The following IGF1R variants were observed in gnomAD, a reference collection of about 807,000 sequenced individuals.
The protein encoded by IGF1R is insulin like growth factor 1 receptor.
In IGF1R, 44 loss-of-function variants were observed where a neutral mutation model predicts 144.6. That is an observed-to-expected ratio of 0.30 (90% CI 0.24 to 0.39). The LOEUF (loss-of-function observed/expected upper bound fraction) is 0.39. Among genes scored for constraint, IGF1R ranks in the 10% least tolerant of loss-of-function variants. The probability of loss-of-function intolerance (pLI) is 1.00; values close to 1 mark genes in which losing one functional copy is unlikely to be tolerated. For missense variants in IGF1R, 1,355 were observed against 1,833.7 expected (o/e 0.74, Z 4.77); for synonymous variants, 795 against 722.8 (o/e 1.10, Z -1.60).
At chr15:98,656,147 A>G (rs2052479882) in intron 1 of IGF1R, among the ~76,000 whole-genome samples, 1 of 152,202 alleles carries the variant, frequency 6.6e-6, no homozygotes, top group Non-Finnish European at 1.5e-5. Context: ...GGTGGTCTTG[A>G]AGCATTCACA....
chr15:98,886,643 A>G (rs2013657122), intron 2 of IGF1R, among the ~76,000 whole-genome samples: 1 of 152,112 alleles, frequency 6.6e-6, no homozygotes, highest in African/African-American at 2.4e-5. Flanking sequence ...GTAATTGGAA[A>G]TTTGGTAGTA....
In IGF1R at chr15:98,735,342, C is replaced by A. The variant is rs376848063; in HGVS notation, c.640+27235C>A. 2.0e-5 allele frequency among the ~76,000 whole-genome samples: 3 copies of A among 152,198 alleles called. No individual in the cohort carries two copies. In the East Asian group the frequency reaches 5.8e-4, roughly 29 times the overall value. On this transcript the variant is annotated intron_variant, in intron 2 of 20. Transcript: ENST00000650285. ...GCTTCAGGAAGTCCACTGGGGGCTC[C>A]CCGTGACTCTGCCCACCTGCATATT...
At chr15:98,770,226 A>G (rs2055550005) in intron 2 of IGF1R, among the ~76,000 whole-genome samples, 1 of 152,212 alleles carries the variant, frequency 6.6e-6, no homozygotes, top group Admixed American at 6.5e-5. Flanking sequence ...TGCTGGGATT[A>G]AAAGTTAGAG....
intron 3 of IGF1R, 68 bp from the exon 4 acceptor site, chr15:98,896,689 G>C (rs2014213595): frequency 6.7e-7 from 1 of 1,487,200 alleles, no homozygotes; most frequent in South Asian, 1.2e-5. Context: ...ATATCCTTAT[G>C]GTTTTTTTAA....
intron 2 of IGF1R, among the ~76,000 whole-genome samples, chr15:98,766,717 T>G (rs778275637): frequency 1.3e-5 from 2 of 152,126 alleles, no homozygotes; most frequent in African/African-American, 2.4e-5. Context: ...TAGTTGTGAG[T>G]GGTGGGACGC....
chr15:98,660,040 A>T (rs2052566616), intron 1 of IGF1R, among the ~76,000 whole-genome samples: 1 of 152,256 alleles, frequency 6.6e-6, no homozygotes, highest in Non-Finnish European at 1.5e-5. Flanking sequence ...CTGAGATTAC[A>T]CAAAATATAT....
chr15:98,934,757 TC>T, intron 15 of IGF1R, 66 bp from the exon 16 acceptor site: 1 of 1,348,634 alleles, frequency 7.4e-7, no homozygotes, highest in Non-Finnish European at 1.1e-6. Flanking sequence ...GGCTTAGAGT[TC>T]CCCCAAAGCA....
At chr15:98,902,906 T>A (rs1053292826) in intron 5 of IGF1R, among the ~76,000 whole-genome samples, 2 of 152,130 alleles carry the variant, frequency 1.3e-5, no homozygotes. Context: ...TCCTGAGCCA[T>A]CCAGAACAGA....
chr15:98,831,205 C>T (rs890387326), intron 2 of IGF1R, among the ~76,000 whole-genome samples: 2 of 152,176 alleles, frequency 1.3e-5, no homozygotes, highest in African/African-American at 4.8e-5. Context: ...TTCCTAATTC[C>T]TTTCTACTTA....
chr15:98,714,793 T>C (rs1162553966), intron 2 of IGF1R, among the ~76,000 whole-genome samples: 1 of 152,238 alleles, frequency 6.6e-6, no homozygotes, highest in Non-Finnish European at 1.5e-5. Flanking sequence ...ACTCATGTGA[T>C]GTGCAGTATT....
chr15:98,751,847 A>G (rs2055019528), intron 2 of IGF1R, among the ~76,000 whole-genome samples: 1 of 152,210 alleles, frequency 6.6e-6, no homozygotes, highest in African/African-American at 2.4e-5. Context: ...AAGAACAAAT[A>G]ACATAATTGT....
chr15:98,883,364 A>G (rs768136593), intron 2 of IGF1R, among the ~76,000 whole-genome samples: 29 of 152,174 alleles, frequency 1.9e-4, no homozygotes, highest in Non-Finnish European at 2.9e-4. Context: ...TCTTGTCTTC[A>G]TTTTGAGAAA....
intron 1 of IGF1R, chr15:98,650,795 A>T (rs2141158583): frequency 1.6e-6 from 1 of 640,542 alleles, no homozygotes; most frequent in Non-Finnish European, 1.9e-6. Context: ...GCCGCCCCGC[A>T]CTTCCTTTGT....
At chr15:98,766,643 G>A (rs2055443651) in intron 2 of IGF1R, among the ~76,000 whole-genome samples, 1 of 152,092 alleles carries the variant, frequency 6.6e-6, no homozygotes, top group Admixed American at 6.5e-5. Context: ...TTATATCCCT[G>A]TGGTCCCTTT....
intron 2 of IGF1R, chr15:98,824,182 C>G (rs7164809): frequency 6.6e-6 from 1 of 152,114 alleles, no homozygotes; most frequent in African/African-American, 2.4e-5. Context: ...CTCCCCAGGT[C>G]GAAGAGAGCA....
intron 2 of IGF1R, among the ~76,000 whole-genome samples, chr15:98,886,128 T>G (rs2013628575): frequency 6.6e-6 from 1 of 152,190 alleles, no homozygotes; most frequent in African/African-American, 2.4e-5. Context: ...TATGGTATGC[T>G]TTTAAAAATG....
chr15:98,936,989 G>A (rs555877624), intron 17 of IGF1R, among the ~76,000 whole-genome samples: 2 of 152,266 alleles, frequency 1.3e-5, no homozygotes, highest in East Asian at 1.9e-4. Flanking sequence ...GGGTTCAAGC[G>A]ATTCTCCTGC....
intron 2 of IGF1R, among the ~76,000 whole-genome samples, chr15:98,725,317 AAAAC>A (rs1376172596): frequency 6.6e-6 from 1 of 152,216 alleles, no homozygotes; most frequent in African/African-American, 2.4e-5. Flanking sequence ...GAAAAAAACA[AAAAC>A]AAAAACACAC....
intron 2 of IGF1R, among the ~76,000 whole-genome samples, chr15:98,825,738 A>G (rs572760405): frequency 6.6e-6 from 1 of 152,248 alleles, no homozygotes; most frequent in Non-Finnish European, 1.5e-5. Context: ...ATAACACCTA[A>G]TACAATGTAA....
Sources: allele counts gnomAD v4.1 joint callset (sites outside exome capture counted in the v4.1 genomes callset), GRCh38; gene constraint gnomAD v4.1.1; transcripts MANE v1.5; gene names NCBI Gene and HGNC (gene_info 2026-07-23, HGNC 2026-07-21).